CYFIP1: variants seen among roughly 807,000 people sequenced by gnomAD.
The protein encoded by CYFIP1 is cytoplasmic FMR1-interacting protein 1.
CYFIP1 carries 58 observed loss-of-function variants against 163.5 expected under a neutral mutation model. The observed-to-expected ratio is 0.35, with a 90% CI of 0.29 to 0.44. The LOEUF (loss-of-function observed/expected upper bound fraction) is 0.44, where lower values mean the gene tolerates loss of function less well. Among genes scored for constraint, CYFIP1 ranks in the 20% least tolerant of loss-of-function variants. The probability of loss-of-function intolerance (pLI) is 1.00; values close to 1 mark genes in which losing one functional copy is unlikely to be tolerated. For missense variants in CYFIP1, 1,338 were observed against 1,653.8 expected (o/e 0.81, Z 3.31); for synonymous variants, 663 against 660.7 (o/e 1.00, Z -0.05).
At chr15:22,913,611 A>G (rs1185948926) in intron 17 of CYFIP1, among the ~76,000 whole-genome samples, 1 of 147,144 alleles carries the variant, frequency 6.8e-6, no homozygotes, top group African/African-American at 2.5e-5. Context: ...GCATTAAAAA[A>G]AAAAAAAAAA....
At chr15:22,940,088 C>A (rs931816938) in intron 6 of CYFIP1, among the ~76,000 whole-genome samples, 3 of 152,156 alleles carry the variant, frequency 2.0e-5, no homozygotes, top group Non-Finnish European at 4.4e-5. Context: ...GCTAAGCCTG[C>A]GAGGTCTGGC....
intron 21 of CYFIP1, among the ~76,000 whole-genome samples, chr15:22,906,010 C>T (rs1347236145): frequency 6.6e-6 from 1 of 152,094 alleles, no homozygotes; most frequent in Non-Finnish European, 1.5e-5. Context: ...CTGCCTGCCT[C>T]AGTCTCCCAA....
At chr15:22,921,019 C>T (rs1427283953) in intron 13 of CYFIP1, among the ~76,000 whole-genome samples, 2 of 152,066 alleles carry the variant, frequency 1.3e-5, no homozygotes, top group African/African-American at 4.8e-5. Flanking sequence ...ACTTATCAAA[C>T]ATTCATCACT....
intron 8 of CYFIP1, among the ~76,000 whole-genome samples, chr15:22,937,637 C>T (rs1382793381): frequency 7.1e-6 from 1 of 140,960 alleles, no homozygotes; most frequent in East Asian, 2.1e-4. Context: ...CTGGCTCTGT[C>T]ACCCGGGCTG....
Position 22,969,215 on chromosome 15 carries a change from A to T in CYFIP1, c.-7+11072T>A, listed in dbSNP as rs2063007333. On this transcript the variant is annotated intron_variant, in intron 1 of 30. Coordinates refer to ENST00000617928, the MANE Select transcript of CYFIP1 (RefSeq NM_014608.6). ...GCATGACAAGGTCACAGCGGCTATC[A>T]CTGTACATCTGTCTTATTCCCATCT... is the stretch of plus-strand genomic sequence containing the variant. Among the ~76,000 whole-genome samples, 4 of 152,112 alleles carry T rather than the reference A, an allele frequency of 2.6e-5. No homozygotes were observed. In the South Asian group the frequency reaches 8.3e-4, roughly 31 times the overall value.
rs1389145343 is a variant in CYFIP1 at position 22,900,286 on chromosome 15, G to T, written c.2588+3420C>A. Among the ~76,000 whole-genome samples the T allele has an allele frequency of 2.2e-4, 33 of 152,204 alleles. 1 individual carries two copies. Among genetic ancestry groups the T allele is most frequent in the Middle Eastern group, 6.8e-3 (2 of 294 alleles). On this transcript the variant is annotated intron_variant, in intron 22 of 30. Transcript: ENST00000617928. ...GCAAGCCAAGAACACCCAGAACTGA[G>T]GTCACCGCCAGAAGTAACAGCTCTA... is the stretch of plus-strand genomic sequence containing the variant.
intron 21 of CYFIP1, among the ~76,000 whole-genome samples, chr15:22,907,566 TTG>T (rs1243769067): frequency 6.6e-6 from 1 of 152,140 alleles, no homozygotes; most frequent in Non-Finnish European, 1.5e-5. Flanking sequence ...CTTGTGCATT[TTG>T]TTAGAAAATG....
chr15:22,978,352 C>CAAAAA lies in CYFIP1; in HGVS notation c.-7+1930_-7+1934dup, dbSNP rs397976366. Among the ~76,000 whole-genome samples the CAAAAA allele has an allele frequency of 7.8e-3, 413 of 52,772 alleles. 30 individuals carry two copies. The highest frequency in any genetic ancestry group is 0.039 in the East Asian group (56 of 1,438). The allele number at this position is 52,772 out of a possible 152,430, so 34.6% of individuals were successfully genotyped here. On this transcript the variant is annotated intron_variant, in intron 1 of 30. Transcript: ENST00000617928. ...GGGCCACAGAGTTAAGACTCTGTCA[C>CAAAAA]AAAAAAAAAAAAAAAAAAAAAAAAA...
intron 22 of CYFIP1, among the ~76,000 whole-genome samples, chr15:22,900,600 A>T (rs1252408551): frequency 1.3e-5 from 2 of 151,478 alleles, no homozygotes; most frequent in Non-Finnish European, 2.9e-5. Context: ...ACAGGGTTTC[A>T]CCGTGTTAGC....
In CYFIP1 at chr15:22,889,743, CA is replaced by C. The variant is rs145312190; in HGVS notation, c.2676+3146del. Among the ~76,000 whole-genome samples, 390 of 152,216 alleles carry C rather than the reference CA, an allele frequency of 2.6e-3. 7 individuals carry two copies. In the East Asian group the frequency reaches 0.066, roughly 26 times the overall value. ...CAAATGCCTCTCTATCAGGGAGTGA[CA>C]AAAACCTACTTTATTGTTATGCCTA... On this transcript the variant is annotated intron_variant, in intron 23 of 30. Transcript: ENST00000617928.
rs768733005 is a variant in CYFIP1 at position 22,939,174 on chromosome 15, G to C, written c.795+18C>G. On this transcript the variant is annotated intron_variant, in intron 8 of 30. Coordinates refer to ENST00000617928, the MANE Select transcript of CYFIP1 (RefSeq NM_014608.6). Reference sequence around the variant, plus strand: ...TGTCCCTCGGCAGTGCCACGGGCTAGCGTCCCCACACACGTACTTTGAGAA... The same window carrying C: ...TGTCCCTCGGCAGTGCCACGGGCTACCGTCCCCACACACGTACTTTGAGAA... 1 of 1,614,060 alleles carries C rather than the reference G, an allele frequency of 6.2e-7. No individual in the cohort carries two copies. Among genetic ancestry groups the C allele is most frequent in the Non-Finnish European group, 8.5e-7 (1 of 1,179,982 alleles).
chr15:22,896,139 G>A (rs1010475710), intron 22 of CYFIP1, among the ~76,000 whole-genome samples: 10 of 152,236 alleles, frequency 6.6e-5, no homozygotes, highest in African/African-American at 2.4e-4. Flanking sequence ...CAGTCTTGTG[G>A]AGGACTGTGC....
At chr15:22,883,404 C>T (rs1001584715) in intron 23 of CYFIP1, among the ~76,000 whole-genome samples, 7 of 152,110 alleles carry the variant, frequency 4.6e-5, no homozygotes, top group East Asian at 3.9e-4. Context: ...AGGGCACCCC[C>T]GGAGCCGGGA....
chr15:22,920,391 G>A (rs1332050438), intron 13 of CYFIP1, among the ~76,000 whole-genome samples: 11 of 152,020 alleles, frequency 7.2e-5, no homozygotes, highest in Non-Finnish European at 1.5e-4. Context: ...GAACACAAAT[G>A]TGTTTCCCCA....
intron 21 of CYFIP1, among the ~76,000 whole-genome samples, chr15:22,906,991 G>C (rs1455219358): frequency 1.3e-5 from 2 of 152,184 alleles, no homozygotes; most frequent in Non-Finnish European, 2.9e-5. Context: ...TGAAGAGGAA[G>C]AGGGGTTGGT....
rs577284981 is a variant in CYFIP1, at chr15:22,906,089, A to G, written c.2389-2184T>C. Among the ~76,000 whole-genome samples the G allele has an allele frequency of 6.0e-5, 9 of 149,138 alleles. No homozygotes were observed. In the East Asian group the frequency reaches 1.6e-3, roughly 27 times the overall value. ...TCTTTTCAAAACTTTCTTTTTTCCA[A>G]TAACCTTATTTCTCGATTTATTTTT... On this transcript the variant is annotated intron_variant, in intron 21 of 30. Coordinates refer to ENST00000617928, the MANE Select transcript of CYFIP1 (RefSeq NM_014608.6).
intron 1 of CYFIP1, among the ~76,000 whole-genome samples, chr15:22,952,156 T>C (rs1393239873): frequency 6.6e-6 from 1 of 152,098 alleles, no homozygotes; most frequent in Non-Finnish European, 1.5e-5. Context: ...GCCGCATGAT[T>C]CCACTCATAT....
At position 22,927,897 on chromosome 15, in the gene CYFIP1, G is replaced by A. The variant is rs138589588; in HGVS notation, c.1233+9C>T. On this transcript the variant is annotated intron_variant, in intron 12 of 30. Coordinates refer to ENST00000617928, the MANE Select transcript of CYFIP1 (RefSeq NM_014608.6). The stretch of plus-strand genomic sequence containing the variant: ...TTGGAGCGGGGCTGGGGTCGGGGAC[G>A]GGGCCTACCACTTCCATCACGTGCG... 2.3e-5 allele frequency: 37 copies of A among 1,596,774 alleles called. No individual in the cohort carries two copies. The Admixed American group carries it at 3.6e-4, about 16-fold the overall frequency.
At chr15:22,931,849 A>G (rs558602078) in intron 11 of CYFIP1, among the ~76,000 whole-genome samples, 19 of 152,112 alleles carry the variant, frequency 1.2e-4, no homozygotes, top group Admixed American at 1.2e-3. Context: ...TTATAATACC[A>G]TCTTTTCACT....
Sources: allele counts gnomAD v4.1 joint callset (sites outside exome capture counted in the v4.1 genomes callset), GRCh38; gene constraint gnomAD v4.1.1; transcripts MANE v1.5; gene names NCBI Gene and HGNC (gene_info 2026-07-23, HGNC 2026-07-21).